PCSK2: variants seen among roughly 807,000 people sequenced by gnomAD.
PCSK2 encodes proprotein convertase subtilisin/kexin type 2, also known as neuroendocrine convertase 2.
Under a neutral mutation model 69.7 loss-of-function variants are expected in PCSK2, and 14 were observed. That is an observed-to-expected ratio of 0.20 (90% CI 0.13 to 0.31). The LOEUF is 0.31. Among genes scored for constraint, PCSK2 ranks in the 10% least tolerant of loss-of-function variants. PCSK2 has a pLI of 1.00. For missense variants in PCSK2, 544 were observed against 842.5 expected (o/e 0.65, Z 4.39); for synonymous variants, 307 against 320.7 (o/e 0.96, Z 0.46).
At chr20:17,455,875 G>A (rs1312770543) in intron 9 of PCSK2, among the ~76,000 whole-genome samples, 1 of 152,126 alleles carries the variant, frequency 6.6e-6, no homozygotes, top group Admixed American at 6.5e-5. Context: ...TAAAATCTAG[G>A]GCAAAAGAGA....
chr20:17,237,618 G>A (rs1279152066), intron 1 of PCSK2, among the ~76,000 whole-genome samples: 1 of 152,160 alleles, frequency 6.6e-6, no homozygotes. Context: ...GAAATAGGAG[G>A]AGTCACCCTA....
At chr20:17,415,450 A>G (rs1467353564) in intron 6 of PCSK2, among the ~76,000 whole-genome samples, 1 of 152,190 alleles carries the variant, frequency 6.6e-6, no homozygotes, top group Non-Finnish European at 1.5e-5. Context: ...CTACAAAGAG[A>G]ATAAAATACC....
rs111827273 is a variant in PCSK2 at position 17,390,388 on chromosome 20, G to A, written c.544-18875G>A. 5.4e-3 allele frequency among the ~76,000 whole-genome samples: 827 copies of A among 152,316 alleles called. 10 individuals carry two copies. The highest frequency in any genetic ancestry group is 0.014 in the Middle Eastern group (4 of 294). On this transcript the variant is annotated intron_variant, in intron 5 of 11. Coordinates refer to ENST00000262545, the MANE Select transcript of PCSK2 (RefSeq NM_002594.5). ...AGCATGCATGCTTAAGATCACATAT[G>A]CTACTGTAAATTATACCTCAATTAA...
At position 17,319,013 on chromosome 20, in the gene PCSK2, G is replaced by A. The variant is rs903627473; in HGVS notation, c.283-39314G>A. On this transcript the variant is annotated intron_variant, in intron 2 of 11. Coordinates refer to ENST00000262545, the MANE Select transcript of PCSK2 (RefSeq NM_002594.5). Reference sequence around the variant, plus strand: ...TGTTTGAAGACAGATCATGCTTTGTGAGAAAAACATATTTTTTCATCAGAT... The same window carrying A: ...TGTTTGAAGACAGATCATGCTTTGTAAGAAAAACATATTTTTTCATCAGAT... 3.9e-5 allele frequency among the ~76,000 whole-genome samples: 6 copies of A among 152,144 alleles called. 1 individual carries two copies. The highest frequency in any genetic ancestry group is 1.4e-4 in the African/African-American group (6 of 41,420).
intron 2 of PCSK2, among the ~76,000 whole-genome samples, chr20:17,261,436 C>T (rs757506763): frequency 6.6e-6 from 1 of 152,168 alleles, no homozygotes; most frequent in Non-Finnish European, 1.5e-5. Flanking sequence ...CAGCAGATTG[C>T]CAAATGACAG....
intron 3 of PCSK2, among the ~76,000 whole-genome samples, chr20:17,359,494 C>A (rs1046079570): frequency 6.6e-6 from 1 of 152,202 alleles, no homozygotes; most frequent in African/African-American, 2.4e-5. Flanking sequence ...CATTCCCACA[C>A]TGCTTTCATA....
intron 2 of PCSK2, among the ~76,000 whole-genome samples, chr20:17,345,834 C>T (rs1038849848): frequency 3.3e-5 from 5 of 152,164 alleles, no homozygotes; most frequent in African/African-American, 1.2e-4. Flanking sequence ...CCATCTCCCC[C>T]GTTTTCATCA....
chr20:17,369,365 T>C, intron 5 of PCSK2, 88 bp downstream of exon 5: 1 of 1,016,860 alleles, frequency 9.8e-7, no homozygotes, highest in Non-Finnish European at 1.6e-6. Context: ...CATGTCTACA[T>C]GTCTATACAC....
chr20:17,384,061 C>G (rs373696929), intron 5 of PCSK2, among the ~76,000 whole-genome samples: 1 of 152,102 alleles, frequency 6.6e-6, no homozygotes, highest in Non-Finnish European at 1.5e-5. Context: ...AGTATACACT[C>G]TCATTTTGAT....
In PCSK2 at chr20:17,341,479, G is replaced by A. The variant is rs537501249; in HGVS notation, c.283-16848G>A. On this transcript the variant is annotated intron_variant, in intron 2 of 11. Coordinates refer to ENST00000262545, the MANE Select transcript of PCSK2 (RefSeq NM_002594.5). ...GTATTTTGGAAATGTATATGTCTAC[G>A]TATTATTTTATGTTTACCCTTTCAA... Among the ~76,000 whole-genome samples the A allele has an allele frequency of 2.6e-4, 39 of 152,258 alleles. No homozygotes were observed. In the South Asian group the frequency reaches 5.4e-3, roughly 21 times the overall value.
At chr20:17,311,922 G>A (rs1989527989) in intron 2 of PCSK2, among the ~76,000 whole-genome samples, 1 of 152,144 alleles carries the variant, frequency 6.6e-6, no homozygotes. Context: ...GATCTGTAGG[G>A]ATAGTATTTC....
chr20:17,318,009 A>T (rs951357641), intron 2 of PCSK2, among the ~76,000 whole-genome samples: 12 of 152,240 alleles, frequency 7.9e-5, no homozygotes, highest in Admixed American at 7.8e-4. Flanking sequence ...CTTAAAATGT[A>T]TGTGTCATTC....
intron 1 of PCSK2, among the ~76,000 whole-genome samples, chr20:17,238,534 A>G (rs1015239053): frequency 6.6e-6 from 1 of 152,202 alleles, no homozygotes; most frequent in Non-Finnish European, 1.5e-5. Flanking sequence ...TAACTATTCC[A>G]AAAAGCATTT....
At chr20:17,273,049 C>T (rs566520212) in intron 2 of PCSK2, among the ~76,000 whole-genome samples, 1 of 152,226 alleles carries the variant, frequency 6.6e-6, no homozygotes, top group Non-Finnish European at 1.5e-5. Context: ...AAATTTTAAT[C>T]AGAGAGCCAA....
chr20:17,388,561 C>A (rs1010847872), intron 5 of PCSK2, among the ~76,000 whole-genome samples: 3 of 151,998 alleles, frequency 2.0e-5, no homozygotes, highest in African/African-American at 7.3e-5. Context: ...AAACATATAT[C>A]TCTAAAAAAA....
chr20:17,481,024 C>T (rs1232969675), intron 11 of PCSK2, among the ~76,000 whole-genome samples: 2 of 152,134 alleles, frequency 1.3e-5, no homozygotes, highest in Non-Finnish European at 2.9e-5. Flanking sequence ...ACTTAGGAGA[C>T]TCAGGAGGGA....
At chr20:17,296,480 T>C (rs1988898606) in intron 2 of PCSK2, among the ~76,000 whole-genome samples, 1 of 152,212 alleles carries the variant, frequency 6.6e-6, no homozygotes, top group Non-Finnish European at 1.5e-5. Context: ...ACTTCACCTG[T>C]GCTCACCTGG....
chr20:17,464,251 G>A (rs911170945), intron 10 of PCSK2: 3 of 152,164 alleles, frequency 2.0e-5, no homozygotes, highest in African/African-American at 7.2e-5. Flanking sequence ...TTCATGGGCA[G>A]TCCCAACAAC....
chr20:17,395,920 T>A (rs1237069563), intron 5 of PCSK2, among the ~76,000 whole-genome samples: 2 of 152,174 alleles, frequency 1.3e-5, no homozygotes. Context: ...AGTTGTGTAA[T>A]CAGTCTCAGG....
Sources: allele counts gnomAD v4.1 joint callset (sites outside exome capture counted in the v4.1 genomes callset), GRCh38; gene constraint gnomAD v4.1.1; transcripts MANE v1.5; gene names NCBI Gene and HGNC (gene_info 2026-07-23, HGNC 2026-07-21).